Variants in ST7 observed in about 807,000 individuals in gnomAD.
The protein encoded by ST7 is suppression of tumorigenicity 7.
A neutral mutation model predicts 78.7 loss-of-function variants in ST7; 28 were observed. The ratio of observed to expected loss-of-function variants is 0.36; its 90% confidence interval spans 0.26 to 0.49. The LOEUF (loss-of-function observed/expected upper bound fraction) is 0.49, where lower values mean the gene tolerates loss of function less well. Ranked by LOEUF, ST7 falls within the 20% of genes least tolerant of loss-of-function variation. The pLI is 0.99. For missense variants in ST7, 418 were observed against 696.0 expected (o/e 0.60, Z 4.49); for synonymous variants, 247 against 249.6 (o/e 0.99, Z 0.10).
intron 15 of ST7, among the ~76,000 whole-genome samples, chr7:117,226,447 T>G (rs959868529): frequency 2.0e-5 from 3 of 152,200 alleles, no homozygotes; most frequent in Non-Finnish European, 4.4e-5. Context: ...TCATTCAGAC[T>G]TAACTTTTCA....
intron 1 of ST7, among the ~76,000 whole-genome samples, chr7:117,095,213 G>T (rs993928468): frequency 1.3e-5 from 2 of 152,142 alleles, no homozygotes; most frequent in African/African-American, 4.8e-5. Context: ...GAAGATAGTG[G>T]CAGGCTATTA....
chr7:117,048,078 G>T (rs1320827650), intron 1 of ST7, among the ~76,000 whole-genome samples: 1 of 152,116 alleles, frequency 6.6e-6, no homozygotes, highest in Non-Finnish European at 1.5e-5. Context: ...ATAAGGAAGA[G>T]AAAATATATT....
intron 9 of ST7, among the ~76,000 whole-genome samples, chr7:117,145,973 C>T (rs7457636): frequency 3.3e-5 from 5 of 152,042 alleles, no homozygotes; most frequent in Admixed American, 6.6e-5. Flanking sequence ...AGAGGGAGCT[C>T]CTTGTGTCCT....
chr7:117,130,074 A>G (rs964438267), intron 4 of ST7, among the ~76,000 whole-genome samples: 1 of 151,942 alleles, frequency 6.6e-6, no homozygotes, highest in Non-Finnish European at 1.5e-5. Flanking sequence ...TTGTATTAAC[A>G]GTTATTCTTT....
intron 3 of ST7, among the ~76,000 whole-genome samples, chr7:117,121,630 G>A (rs1803371948): frequency 6.6e-6 from 1 of 152,020 alleles, no homozygotes; most frequent in Admixed American, 6.6e-5. Context: ...CCTTAAAGGG[G>A]CAAACTACTT....
chr7:117,182,222 G>A (rs1230041788), intron 10 of ST7, among the ~76,000 whole-genome samples: 4 of 152,110 alleles, frequency 2.6e-5, no homozygotes, highest in Admixed American at 2.6e-4. Flanking sequence ...ATAAAACAGG[G>A]CTAACAGTCC....
intron 2 of ST7, among the ~76,000 whole-genome samples, chr7:117,115,431 T>C (rs1300241144): frequency 4.6e-5 from 7 of 151,650 alleles, no homozygotes; most frequent in Admixed American, 4.6e-4. Context: ...CTCAGCTCAT[T>C]GCAACTTCCG....
intron 1 of ST7, among the ~76,000 whole-genome samples, chr7:117,037,643 C>T (rs28706522): frequency 0.017 from 2,592 of 152,218 alleles, 73 homozygotes; most frequent in African/African-American, 0.059. Flanking sequence ...TTCTCGTGTT[C>T]CCCAAGGTCT....
chr7:116,980,745 A>C (rs978932187), intron 1 of ST7, among the ~76,000 whole-genome samples: 1 of 152,262 alleles, frequency 6.6e-6, no homozygotes, highest in African/African-American at 2.4e-5. Flanking sequence ...CTGATGTGGT[A>C]CTTTATCACT....
chr7:117,040,372 CA>C (rs140911160), intron 1 of ST7, among the ~76,000 whole-genome samples: 9 of 145,252 alleles, frequency 6.2e-5, no homozygotes, highest in South Asian at 2.2e-4. Context: ...AATTCTGTCT[CA>C]AAAAAAAAAG....
intron 15 of ST7, chr7:117,222,795 T>C: frequency 8.0e-7 from 1 of 1,244,154 alleles, no homozygotes; most frequent in South Asian, 1.2e-5. Flanking sequence ...CCATTCAGAT[T>C]TCAAGGCGAG....
At chr7:117,128,348 G>A (rs1804039693) in intron 3 of ST7, 1 of 151,746 alleles carries the variant, frequency 6.6e-6, no homozygotes, top group Non-Finnish European at 1.5e-5. Context: ...ATTCCTCTAA[G>A]GGGAGAAAAA....
intron 1 of ST7, among the ~76,000 whole-genome samples, chr7:117,078,181 G>T (rs1162913414): frequency 6.6e-6 from 1 of 152,174 alleles, no homozygotes; most frequent in East Asian, 1.9e-4. Flanking sequence ...GGGACTGAAG[G>T]ACAGAGAGAA....
rs1242632090 is a variant in ST7 at position 117,203,193 on chromosome 7, T to C, written c.1255-6594T>C. Among the ~76,000 whole-genome samples the C allele has an allele frequency of 3.3e-5, 5 of 152,176 alleles. No homozygotes were observed. In the East Asian group the frequency reaches 9.6e-4, roughly 29 times the overall value. On this transcript the variant is annotated intron_variant, in intron 12 of 15. Transcript: ENST00000323984. ...CCTCTGGAGCAGGTCATGAAGGCCTTTTACAGCCTACTTTTTCTACTTCAC... is the reference window on the plus strand; with the variant it reads ...CCTCTGGAGCAGGTCATGAAGGCCTCTTACAGCCTACTTTTTCTACTTCAC...
intron 1 of ST7, among the ~76,000 whole-genome samples, chr7:117,017,269 A>G (rs1433815478): frequency 1.3e-5 from 2 of 152,170 alleles, no homozygotes; most frequent in African/African-American, 4.8e-5. Context: ...TCACTCACTA[A>G]GATACAAGCT....
chr7:117,208,906 T>TGG (rs1348117682), intron 12 of ST7, among the ~76,000 whole-genome samples: 2 of 19,038 alleles, frequency 1.1e-4, no homozygotes, highest in South Asian at 5.0e-3. Flanking sequence ...TGTGTGGGTG[T>TGG]GTGTGTGTGT....
chr7:117,024,989 T>C (rs1220816625), intron 1 of ST7, among the ~76,000 whole-genome samples: 1 of 152,212 alleles, frequency 6.6e-6, no homozygotes, highest in African/African-American at 2.4e-5. Flanking sequence ...TATGGTACCA[T>C]GTTACCAAGA....
chr7:117,083,383 G>A (rs1563067759), intron 1 of ST7, among the ~76,000 whole-genome samples: 1 of 152,136 alleles, frequency 6.6e-6, no homozygotes, highest in Non-Finnish European at 1.5e-5. Flanking sequence ...AACCTCCCGA[G>A]TAGTTGGGAT....
intron 10 of ST7, among the ~76,000 whole-genome samples, chr7:117,175,341 C>T (rs768396099): frequency 5.9e-5 from 9 of 152,194 alleles, no homozygotes; most frequent in Admixed American, 5.9e-4. Context: ...AGGCCACCTA[C>T]GTGAAAACTT....
Sources: allele counts gnomAD v4.1 joint callset (sites outside exome capture counted in the v4.1 genomes callset), GRCh38; gene constraint gnomAD v4.1.1; transcripts MANE v1.5; gene names NCBI Gene and HGNC (gene_info 2026-07-23, HGNC 2026-07-21).